ATF7: variants seen among roughly 807,000 people sequenced by gnomAD.
ATF7 encodes activating transcription factor 7.
In ATF7, 10 loss-of-function variants were observed where a neutral mutation model predicts 50.4. The ratio of observed to expected loss-of-function variants is 0.20; its 90% confidence interval spans 0.12 to 0.34. The LOEUF is 0.34. Among genes scored for constraint, ATF7 ranks in the 10% least tolerant of loss-of-function variants. ATF7 has a pLI of 1.00. For synonymous variants in ATF7, 201 were observed against 226.4 expected, an observed-to-expected ratio of 0.89 and a Z score of 1.01; for missense variants, 465 against 613.9, an observed-to-expected ratio of 0.76 and a Z score of 2.56.
At chr12:53,523,508 C>T in intron 10 of ATF7, 124 bp from the exon 11 acceptor site, 1 of 696,728 alleles carries the variant, frequency 1.4e-6, no homozygotes, top group Non-Finnish European at 2.5e-6. Context: ...TGGGACAAGA[C>T]TCCTGATCCA....
In ATF7 at chr12:53,533,207, T is replaced by C; in HGVS notation, c.613A>G (p.Met205Val). ...LVMHLANGQTMPVLPGPPVQM... is the reference protein window; with the variant it reads ...LVMHLANGQTVPVLPGPPVQM... The stretch of plus-strand genomic sequence containing the variant: ...ACTGGAGGCCCTGGCAACACAGGCA[T>C]GGTCTGTCCATTAGCAAGATGCATG... Residue 205 changes from methionine to valine, a missense_variant, in exon 7 of 12, where the codon ATG becomes GTG. Met to Val is a conservative substitution (Grantham distance 21). Coordinates refer to ENST00000420353, the MANE Select transcript of ATF7 (RefSeq NM_006856.3). 1 of 1,613,916 alleles carries C rather than the reference T, an allele frequency of 6.2e-7. No individual in the cohort carries two copies. Among genetic ancestry groups the C allele is most frequent in the Non-Finnish European group, 8.5e-7 (1 of 1,179,830 alleles).
At chr12:53,603,642 T>G (rs1943489791) in intron 1 of ATF7, among the ~76,000 whole-genome samples, 3 of 152,052 alleles carry the variant, frequency 2.0e-5, no homozygotes, top group African/African-American at 7.2e-5. Flanking sequence ...TTTCCATTAT[T>G]CTTGTTTAAA....
chr12:53,615,692 C>A (rs1944091496), intron 1 of ATF7, among the ~76,000 whole-genome samples: 1 of 152,000 alleles, frequency 6.6e-6, no homozygotes, highest in African/African-American at 2.4e-5. Context: ...GGCAAGAGAG[C>A]AAAATCCTTT....
chr12:53,553,459 G>C (rs944639557), intron 2 of ATF7, among the ~76,000 whole-genome samples: 3 of 152,156 alleles, frequency 2.0e-5, no homozygotes, highest in African/African-American at 7.2e-5. Context: ...ATTTTTTTGG[G>C]ATTTGGGTGA....
At chr12:53,618,938 G>A (rs757984336) in intron 1 of ATF7, among the ~76,000 whole-genome samples, 3 of 151,752 alleles carry the variant, frequency 2.0e-5, no homozygotes, top group Non-Finnish European at 4.4e-5. Context: ...TGTAGTCCCA[G>A]CTACTTGGGA....
At chr12:53,529,670 T>A (rs1304340306) in intron 9 of ATF7, among the ~76,000 whole-genome samples, 22 of 143,370 alleles carry the variant, frequency 1.5e-4, no homozygotes, top group African/African-American at 5.7e-4. Context: ...CACACATATA[T>A]ATATACACAC....
chr12:53,584,517 T>C (rs78226554), intron 2 of ATF7, among the ~76,000 whole-genome samples: 5,999 of 152,266 alleles, frequency 0.039, 359 homozygotes, highest in African/African-American at 0.13. Context: ...TATGATCCAG[T>C]GATCACACTC....
intron 1 of ATF7, among the ~76,000 whole-genome samples, chr12:53,615,330 G>A (rs1413439535): frequency 1.3e-5 from 2 of 152,168 alleles, no homozygotes; most frequent in East Asian, 1.9e-4. Context: ...CTTGCAGTGA[G>A]CCGAGCTCGT....
intron 1 of ATF7, among the ~76,000 whole-genome samples, chr12:53,602,290 C>A (rs1943436352): frequency 6.6e-6 from 1 of 152,172 alleles, no homozygotes; most frequent in Admixed American, 6.5e-5. Flanking sequence ...AAATTTTTAT[C>A]TTGGAAATAA....
chr12:53,555,174 C>T (rs186514764), intron 2 of ATF7, among the ~76,000 whole-genome samples: 1 of 152,032 alleles, frequency 6.6e-6, no homozygotes, highest in African/African-American at 2.4e-5. Flanking sequence ...ACAGAATTAG[C>T]CGGGCATGGT....
intron 2 of ATF7, among the ~76,000 whole-genome samples, chr12:53,555,383 G>A (rs1289113415): frequency 6.6e-6 from 1 of 151,844 alleles, no homozygotes; most frequent in South Asian, 2.1e-4. Context: ...TTAACCAGGG[G>A]TATGATATTT....
rs1242243701 is a variant in ATF7 at position 53,626,303 on chromosome 12, GC to G, written c.-47del. 1 of 152,888 alleles carries G rather than the reference GC, an allele frequency of 6.5e-6. No homozygotes were observed. The highest frequency in any genetic ancestry group is 1.9e-4 in the East Asian group (1 of 5,194). The allele number at this position is 152,888 out of a possible 1,614,324, so 9.5% of individuals were successfully genotyped here. On this transcript the variant is annotated 5_prime_UTR_variant, in exon 1 of 12. Transcript: ENST00000420353. Reference sequence around the variant, plus strand: ...CCGGCTGGTAGCTCCGTTGCCTCCCGCCTGCCCGCGCTCGGTCCTACAATCT... The same window carrying G: ...CCGGCTGGTAGCTCCGTTGCCTCCCGCTGCCCGCGCTCGGTCCTACAATCT...
intron 2 of ATF7, among the ~76,000 whole-genome samples, chr12:53,554,010 C>A (rs1346427075): frequency 6.6e-6 from 1 of 152,232 alleles, no homozygotes; most frequent in Non-Finnish European, 1.5e-5. Context: ...CGCGATGGCT[C>A]ATGCCTGTAA....
chr12:53,607,051 G>T (rs997019016), intron 1 of ATF7, among the ~76,000 whole-genome samples: 2 of 152,162 alleles, frequency 1.3e-5, no homozygotes, highest in Non-Finnish European at 2.9e-5. Flanking sequence ...ATAGCAGCAT[G>T]ATTTATAATC....
intron 1 of ATF7, among the ~76,000 whole-genome samples, chr12:53,610,558 C>T (rs1017400480): frequency 7.5e-6 from 1 of 133,466 alleles, no homozygotes; most frequent in African/African-American, 3.0e-5. Flanking sequence ...GAGTGAGACT[C>T]TGTCTCAAAA....
intron 1 of ATF7, among the ~76,000 whole-genome samples, chr12:53,609,546 C>A (rs559672776): frequency 1.3e-5 from 2 of 150,544 alleles, no homozygotes; most frequent in South Asian, 4.2e-4. Context: ...CTCGGGAGAC[C>A]GAGATGAGAG....
Position 53,523,467 on chromosome 12 carries a change from C to T in ATF7, c.1126-83G>A, listed in dbSNP as rs1938246758. ...TCAGTGGCTGTTCCCAAAGGAAGGA[C>T]AGAATATTGCCTCGATTTTCTCCCC... On this transcript the variant is annotated intron_variant, in intron 10 of 11. Coordinates refer to ENST00000420353, the MANE Select transcript of ATF7 (RefSeq NM_006856.3). The T allele has an allele frequency of 3.0e-6, 3 of 1,001,712 alleles. No individual in the cohort carries two copies. The African/African-American group carries it at 4.8e-5, about 16-fold the overall frequency. 62.1% of individuals were successfully genotyped at this position (1,001,712 alleles called of 1,614,324 possible).
Position 53,537,599 on chromosome 12 carries a change from C to A in ATF7, c.265-47G>T, listed in dbSNP as rs762603438. On this transcript the variant is annotated intron_variant, in intron 4 of 11. Coordinates refer to ENST00000420353, the MANE Select transcript of ATF7 (RefSeq NM_006856.3). The stretch of plus-strand genomic sequence containing the variant: ...CAGAGTTTAACCCTATGATTCCTTT[C>A]AGGTTGAATCTATATTTTCCCATTT... 6.3e-6 allele frequency: 10 copies of A among 1,594,410 alleles called. No homozygotes were observed. The South Asian group carries it at 1.1e-4, about 18-fold the overall frequency.
At chr12:53,558,003 C>A (rs1339943993) in intron 2 of ATF7, among the ~76,000 whole-genome samples, 1 of 152,166 alleles carries the variant, frequency 6.6e-6, no homozygotes, top group African/African-American at 2.4e-5. Flanking sequence ...TCAAAACTTA[C>A]CTATGTGGCT....
Sources: gnomAD v4.1 joint callset for allele counts (sites outside exome capture counted in the v4.1 genomes callset) on GRCh38, gnomAD v4.1.1 for gene constraint, MANE v1.5 for transcripts, NCBI Gene and HGNC (gene_info 2026-07-23, HGNC 2026-07-21) for gene names.